Variants in RBFOX1 observed in about 807,000 individuals in gnomAD.
RBFOX1 encodes the protein RNA binding protein fox-1 homolog 1.
Under a neutral mutation model 57.7 loss-of-function variants are expected in RBFOX1, and 8 were observed. That is an observed-to-expected ratio of 0.14 (90% confidence interval 0.08 to 0.25). RBFOX1 has a LOEUF of 0.25. RBFOX1 is among the 10% of genes least tolerant of loss of function. The pLI is 1.00. For synonymous variants in RBFOX1, 326 were observed against 222.4 expected (o/e 1.47, Z -4.15); for missense variants, 611 against 548.5 (o/e 1.11, Z -1.14).
chr16:5,548,104 T>C, intron 2 of RBFOX1, among the ~76,000 whole-genome samples: 1 of 146,778 alleles, frequency 6.8e-6, no homozygotes, highest in African/African-American at 2.5e-5. Context: ...GAGGTTGCAG[T>C]GAGCTGAGAT....
chr16:6,882,538 G>A (rs2063163197), intron 3 of RBFOX1, among the ~76,000 whole-genome samples: 1 of 152,134 alleles, frequency 6.6e-6, no homozygotes, highest in African/African-American at 2.4e-5. Flanking sequence ...GGAGGTTGCA[G>A]TGAGCTGAGA....
At chr16:7,014,901 A>G (rs907310933) in intron 3 of RBFOX1, among the ~76,000 whole-genome samples, 6 of 151,412 alleles carry the variant, frequency 4.0e-5, no homozygotes, top group South Asian at 2.1e-4. Flanking sequence ...ATTTTTTTGT[A>G]TTTTTACTAG....
At chr16:6,437,054 T>C (rs554181791) in intron 2 of RBFOX1, among the ~76,000 whole-genome samples, 1 of 152,314 alleles carries the variant, frequency 6.6e-6, no homozygotes, top group African/African-American at 2.4e-5. Context: ...TTTTGGCTCT[T>C]TGGCTATTTT....
At chr16:5,902,242 G>C (rs1382693161) in intron 4 of RBFOX1, among the ~76,000 whole-genome samples, 2 of 151,974 alleles carry the variant, frequency 1.3e-5, no homozygotes, top group Non-Finnish European at 2.9e-5. Context: ...TTATAGATGA[G>C]TAAACTGAGG....
intron 2 of RBFOX1, among the ~76,000 whole-genome samples, chr16:6,493,116 C>T (rs962267524): frequency 6.6e-6 from 1 of 152,134 alleles, no homozygotes; most frequent in Admixed American, 6.5e-5. Flanking sequence ...GATCACTTTA[C>T]CCCTGAGCTG....
chr16:5,333,092 A>T (rs1381315564), intron 1 of RBFOX1, among the ~76,000 whole-genome samples: 1 of 152,092 alleles, frequency 6.6e-6, no homozygotes, highest in Non-Finnish European at 1.5e-5. Context: ...GGAGACTGAG[A>T]CAGGAGAATC....
chr16:7,133,132 A>C (rs2070980758), intron 4 of RBFOX1, among the ~76,000 whole-genome samples: 1 of 152,248 alleles, frequency 6.6e-6, no homozygotes, highest in Non-Finnish European at 1.5e-5. Flanking sequence ...TGCAGGTTTT[A>C]ATACCAAGAT....
chr16:5,955,827 T>C (rs2059627452), intron 4 of RBFOX1, among the ~76,000 whole-genome samples: 1 of 152,172 alleles, frequency 6.6e-6, no homozygotes, highest in Non-Finnish European at 1.5e-5. Context: ...AACTAATATA[T>C]ATGACATGTT....
chr16:7,045,952 C>A (rs779458593), intron 3 of RBFOX1, among the ~76,000 whole-genome samples: 1 of 152,128 alleles, frequency 6.6e-6, no homozygotes, highest in Admixed American at 6.5e-5. Context: ...GCCACCATGC[C>A]CGGCCAAGAT....
intron 3 of RBFOX1, among the ~76,000 whole-genome samples, chr16:6,788,569 G>A (rs1218240456): frequency 1.3e-5 from 2 of 151,754 alleles, no homozygotes; most frequent in Non-Finnish European, 2.9e-5. Context: ...TCTGCCTTCT[G>A]GGTTCACGCC....
At chr16:5,423,399 C>G (rs2067414882) in intron 1 of RBFOX1, among the ~76,000 whole-genome samples, 1 of 152,142 alleles carries the variant, frequency 6.6e-6, no homozygotes, top group East Asian at 1.9e-4. Context: ...ACAAATGCAA[C>G]CAAGATTCAG....
chr16:5,527,218 C>G (rs937448859), intron 2 of RBFOX1, among the ~76,000 whole-genome samples: 16 of 152,280 alleles, frequency 1.1e-4, no homozygotes, highest in African/African-American at 3.6e-4. Context: ...CTGATGAGGA[C>G]CCGCGATGGG....
intron 1 of RBFOX1, among the ~76,000 whole-genome samples, chr16:5,408,522 T>C (rs1202534540): frequency 6.6e-6 from 1 of 152,192 alleles, no homozygotes; most frequent in Admixed American, 6.5e-5. Context: ...TTCTGAGGGA[T>C]CTCTCTTTCT....
intron 4 of RBFOX1, among the ~76,000 whole-genome samples, chr16:6,006,645 TTTGAG>T (rs1329357145): frequency 2.0e-5 from 3 of 152,224 alleles, no homozygotes; most frequent in African/African-American, 7.2e-5. Flanking sequence ...CTTCAACTAG[TTTGAG>T]TTGAGTTTCT....
intron 1 of RBFOX1, among the ~76,000 whole-genome samples, chr16:5,273,280 T>G (rs2063060296): frequency 6.6e-6 from 1 of 152,008 alleles, no homozygotes; most frequent in South Asian, 2.1e-4. Context: ...AGGTTTCTGC[T>G]AATAGCTTCA....
chr16:6,992,878 C>G (rs1340622974), intron 3 of RBFOX1, among the ~76,000 whole-genome samples: 6 of 147,926 alleles, frequency 4.1e-5, no homozygotes, highest in Non-Finnish European at 7.4e-5. Context: ...TCAATATATT[C>G]AGTGCCCACC....
chr16:6,206,539 A>G (rs1433781687), intron 1 of RBFOX1, among the ~76,000 whole-genome samples: 2 of 152,168 alleles, frequency 1.3e-5, no homozygotes, highest in African/African-American at 4.8e-5. Flanking sequence ...TTGTCCCTAT[A>G]TCTCCAGGAG....
chr16:6,088,240 C>G (rs1033239787), intron 1 of RBFOX1, among the ~76,000 whole-genome samples: 1 of 151,316 alleles, frequency 6.6e-6, no homozygotes, highest in Non-Finnish European at 1.5e-5. Flanking sequence ...TGGATCATAT[C>G]TGTTTTTCCT....
intron 2 of RBFOX1, among the ~76,000 whole-genome samples, chr16:6,492,493 C>T (rs1043269980): frequency 1.2e-4 from 19 of 152,212 alleles, no homozygotes; most frequent in East Asian, 3.9e-4. Context: ...CGCTTGAACC[C>T]GGGAGGTGGA....
Sources: allele counts gnomAD v4.1 joint callset (sites outside exome capture counted in the v4.1 genomes callset), GRCh38; gene constraint gnomAD v4.1.1; transcripts MANE v1.5; gene names NCBI Gene and HGNC (gene_info 2026-07-23, HGNC 2026-07-21).